Variants in HTR1E observed in about 807,000 individuals in gnomAD.
The protein encoded by HTR1E is 5-hydroxytryptamine receptor 1E, also known as 5-HT-1E.
A neutral mutation model predicts 3.4 loss-of-function variants in HTR1E; 3 were observed. The observed-to-expected ratio is 0.89, with a 90% CI of 0.41 to 2.31. HTR1E has a LOEUF of 2.31. Ranked by LOEUF, HTR1E falls within the 30% of genes most tolerant of loss-of-function variation. The probability of loss-of-function intolerance (pLI) is 0.05; values close to 1 mark genes in which losing one functional copy is unlikely to be tolerated. For missense variants in HTR1E, 392 were observed against 467.0 expected (o/e 0.84, Z 1.48); for synonymous variants, 170 against 182.8 (o/e 0.93, Z 0.56).
At chr6:87,005,608 TA>T (rs1219556130) in intron 1 of HTR1E, among the ~76,000 whole-genome samples, 1 of 152,154 alleles carries the variant, frequency 6.6e-6, no homozygotes, top group Non-Finnish European at 1.5e-5. Context: ...ATTAAAGACT[TA>T]AATCTAAGAC....
intron 1 of HTR1E, among the ~76,000 whole-genome samples, chr6:86,975,357 C>A (rs1767615277): frequency 6.6e-6 from 1 of 152,138 alleles, no homozygotes; most frequent in East Asian, 1.9e-4. Context: ...ATCTTTGGAA[C>A]TATCAACTTC....
At chr6:86,952,454 A>G (rs1453843880) in intron 1 of HTR1E, among the ~76,000 whole-genome samples, 3 of 151,940 alleles carry the variant, frequency 2.0e-5, no homozygotes, top group Non-Finnish European at 2.9e-5. Context: ...ACACCCCAAA[A>G]AAGTTGTCTT....
Position 87,016,594 on chromosome 6 carries a change from T to C in HTR1E, c.*162T>C, listed in dbSNP as rs150197197. 4.3e-4 allele frequency: 256 copies of C among 595,922 alleles called. 1 individual carries two copies. In the African/African-American group the frequency reaches 4.5e-3, roughly 10 times the overall value. The allele number at this position is 595,922 out of a possible 1,614,324, so 36.9% of individuals were successfully genotyped here. On this transcript the variant is annotated 3_prime_UTR_variant, in exon 2 of 2. Transcript: ENST00000305344. ...TTTGTTTGTTTTGTTCTGTTTTGTT[T>C]GAGGATTGTTATTTGGCGTGCTGTT...
intron 1 of HTR1E, among the ~76,000 whole-genome samples, chr6:86,941,866 AAAGGAAGG>A (rs202232341): frequency 6.6e-5 from 10 of 151,616 alleles, no homozygotes; most frequent in African/African-American, 4.8e-5. Context: ...AGGAAAGAAG[AAAGGAAGG>A]AAGGAAGGAA....
At chr6:87,012,148 A>C (rs890744489) in intron 1 of HTR1E, among the ~76,000 whole-genome samples, 4 of 152,186 alleles carry the variant, frequency 2.6e-5, no homozygotes, top group Admixed American at 6.5e-5. Context: ...TAAATATCTT[A>C]CCAGGGACTT....
At chr6:86,962,212 C>G (rs926098189) in intron 1 of HTR1E, among the ~76,000 whole-genome samples, 1 of 152,130 alleles carries the variant, frequency 6.6e-6, no homozygotes, top group South Asian at 2.1e-4. Context: ...ATCCCCAATC[C>G]TGGAGCACAT....
chr6:86,947,668 A>T (rs1370842917), intron 1 of HTR1E, among the ~76,000 whole-genome samples: 1 of 151,970 alleles, frequency 6.6e-6, no homozygotes, highest in African/African-American at 2.4e-5. Context: ...GGAGTATGTT[A>T]TATACTTTTC....
chr6:86,943,144 T>C (rs1352848024), intron 1 of HTR1E, among the ~76,000 whole-genome samples: 3 of 152,220 alleles, frequency 2.0e-5, no homozygotes, highest in Admixed American at 1.3e-4. Context: ...AGTCCTGTTA[T>C]ATTAAAATAC....
chr6:86,996,041 A>G (rs1767935894), intron 1 of HTR1E, among the ~76,000 whole-genome samples: 1 of 152,166 alleles, frequency 6.6e-6, no homozygotes, highest in Non-Finnish European at 1.5e-5. Context: ...AGACTTCCAT[A>G]CCCCACTCAA....
intron 1 of HTR1E, among the ~76,000 whole-genome samples, chr6:86,954,563 T>C (rs1346537919): frequency 2.0e-5 from 3 of 152,204 alleles, no homozygotes; most frequent in African/African-American, 7.2e-5. Flanking sequence ...GATACGTGGT[T>C]ACTGTGAGGC....
chr6:86,993,660 A>T (rs906276194), intron 1 of HTR1E, among the ~76,000 whole-genome samples: 34 of 151,910 alleles, frequency 2.2e-4, no homozygotes, highest in African/African-American at 6.8e-4. Flanking sequence ...ATCATCCAGC[A>T]CTCCTCTTCT....
chr6:86,940,813 C>T (rs1312301362), intron 1 of HTR1E, among the ~76,000 whole-genome samples: 1 of 152,224 alleles, frequency 6.6e-6, no homozygotes, highest in Non-Finnish European at 1.5e-5. Context: ...AAGCTTGAGA[C>T]TGATCAAAAG....
At chr6:86,967,021 CT>C (rs1767480782) in intron 1 of HTR1E, among the ~76,000 whole-genome samples, 1 of 152,150 alleles carries the variant, frequency 6.6e-6, no homozygotes, top group South Asian at 2.1e-4. Context: ...ACCTCGGGAT[CT>C]TTTATCTCAG....
intron 1 of HTR1E, among the ~76,000 whole-genome samples, chr6:86,968,328 T>A (rs1299903508): frequency 1.3e-5 from 2 of 152,226 alleles, no homozygotes; most frequent in African/African-American, 4.8e-5. Context: ...TAAGATAATT[T>A]CCTATAAGTG....
Position 87,014,501 on chromosome 6 carries a change from G to C in HTR1E, c.-185-649G>C, listed in dbSNP as rs138802805. 7.8e-3 allele frequency among the ~76,000 whole-genome samples: 1,190 copies of C among 152,148 alleles called. 16 individuals are homozygous for C. Among genetic ancestry groups the C allele is most frequent in the African/African-American group, 0.027 (1,126 of 41,508 alleles). ...AAATTATTCTACTCTAAAGACACAT[G>C]GACATGTATGTTTATTGCAGCACTA... On this transcript the variant is annotated intron_variant, in intron 1 of 1. Transcript: ENST00000305344.
At chr6:87,014,081 C>T (rs1411798353) in intron 1 of HTR1E, among the ~76,000 whole-genome samples, 1 of 151,894 alleles carries the variant, frequency 6.6e-6, no homozygotes, top group Non-Finnish European at 1.5e-5. Context: ...GGACACAGGG[C>T]AGGGAACACC....
intron 1 of HTR1E, among the ~76,000 whole-genome samples, chr6:86,976,238 GA>G (rs1175599419): frequency 6.6e-6 from 1 of 152,108 alleles, no homozygotes. Context: ...GGTGATCTGG[GA>G]GAGAAAAACC....
At chr6:86,938,886 T>G (rs1465815178) in intron 1 of HTR1E, among the ~76,000 whole-genome samples, 1 of 152,188 alleles carries the variant, frequency 6.6e-6, no homozygotes, top group East Asian at 1.9e-4. Context: ...GAATATATAT[T>G]TATCATAGTT....
At chr6:86,946,432 G>C (rs1335178661) in intron 1 of HTR1E, among the ~76,000 whole-genome samples, 2 of 152,330 alleles carry the variant, frequency 1.3e-5, no homozygotes, top group South Asian at 2.1e-4. Flanking sequence ...ACATAGCCTA[G>C]GTGTGCAGTA....
Sources: allele counts gnomAD v4.1 joint callset (sites outside exome capture counted in the v4.1 genomes callset), GRCh38; gene constraint gnomAD v4.1.1; transcripts MANE v1.5; gene names NCBI Gene and HGNC (gene_info 2026-07-23, HGNC 2026-07-21).